The following KLHL3 variants were observed in gnomAD, a reference collection of about 807,000 sequenced individuals.
The protein encoded by KLHL3 is kelch-like protein 3.
Under a neutral mutation model 70.5 loss-of-function variants are expected in KLHL3, and 19 were observed. The observed-to-expected ratio is 0.27, with a 90% CI of 0.19 to 0.40. KLHL3 has a LOEUF of 0.40. KLHL3 is among the 10% of genes least tolerant of loss of function. The pLI, the probability that KLHL3 is intolerant of heterozygous loss-of-function variation, is 1.00. For missense variants in KLHL3, 512 were observed against 771.1 expected, an observed-to-expected ratio of 0.66 and a Z score of 3.98; for synonymous variants, 258 against 290.3, an observed-to-expected ratio of 0.89 and a Z score of 1.13.
chr5:137,619,033 T>C lies in KLHL3; in HGVS notation c.*3065A>G. ...CAAAGAACACAACATTTCATTATCATGGACAATAAAAAGCGATTCAAACTC... is the reference window on the plus strand; with the variant it reads ...CAAAGAACACAACATTTCATTATCACGGACAATAAAAAGCGATTCAAACTC... On this transcript the variant is annotated 3_prime_UTR_variant, in exon 15 of 15. Coordinates refer to ENST00000309755, the MANE Select transcript of KLHL3 (RefSeq NM_017415.3). 6.6e-6 allele frequency: 1 copy of C among 152,434 alleles called. No homozygotes were observed. Among genetic ancestry groups the C allele is most frequent in the East Asian group, 1.9e-4 (1 of 5,192 alleles). The allele number at this position is 152,434 out of a possible 1,614,324, so 9.4% of individuals were successfully genotyped here. A position where few individuals can be genotyped will look rare whatever the true frequency, so the allele number is the denominator to read the frequency against.
intron 8 of KLHL3, among the ~76,000 whole-genome samples, chr5:137,657,582 A>G (rs971849029): frequency 6.6e-6 from 1 of 152,046 alleles, no homozygotes. Context: ...CTGCTCCCTC[A>G]CAAATTCTCA....
intron 5 of KLHL3, among the ~76,000 whole-genome samples, chr5:137,690,448 T>A (rs1024725443): frequency 2.0e-5 from 3 of 151,412 alleles, no homozygotes; most frequent in Admixed American, 1.3e-4. Flanking sequence ...GCTCCCTAAG[T>A]GAAGGTGGAA....
At chr5:137,705,382 T>C (rs1251113199) in intron 3 of KLHL3, among the ~76,000 whole-genome samples, 1 of 152,234 alleles carries the variant, frequency 6.6e-6, no homozygotes, top group East Asian at 1.9e-4. Flanking sequence ...GCCTTGTGGA[T>C]GATTCCTGCC....
At position 137,620,112 on chromosome 5, in the gene KLHL3, C is replaced by T. The variant is rs1029128618; in HGVS notation, c.*1986G>A. The stretch of plus-strand genomic sequence containing the variant: ...AGAGTTATGAAGCCACAGTCATCCC[C>T]ACTTCATAGTGAGACCAGAGCACTC... On this transcript the variant is annotated 3_prime_UTR_variant, in exon 15 of 15. Coordinates refer to ENST00000309755, the MANE Select transcript of KLHL3 (RefSeq NM_017415.3). 6.6e-6 allele frequency: 1 copy of T among 152,228 alleles called. No individual in the cohort carries two copies. Among genetic ancestry groups the T allele is most frequent in the Non-Finnish European group, 1.5e-5 (1 of 68,048 alleles). 9.4% of individuals were successfully genotyped at this position (152,228 alleles called of 1,614,324 possible). A position where few individuals can be genotyped will look rare whatever the true frequency, so the allele number is the denominator to read the frequency against.
At chr5:137,661,690 A>G (rs1751479089) in intron 7 of KLHL3, 2 of 430,632 alleles carry the variant, frequency 4.6e-6, no homozygotes, top group South Asian at 1.1e-4. Flanking sequence ...TAAAAATCCA[A>G]AACTAATAAG....
intron 8 of KLHL3, among the ~76,000 whole-genome samples, chr5:137,653,968 T>C (rs1270248083): frequency 6.6e-6 from 1 of 152,122 alleles, no homozygotes; most frequent in Non-Finnish European, 1.5e-5. Flanking sequence ...TCAAATGCAT[T>C]ATGGTAAGAA....
chr5:137,624,819 T>C (rs1253586722), intron 14 of KLHL3, among the ~76,000 whole-genome samples: 1 of 152,130 alleles, frequency 6.6e-6, no homozygotes, highest in African/African-American at 2.4e-5. Flanking sequence ...TATTTGCTCA[T>C]CTCCCCATGG....
chr5:137,700,619 A>G (rs1338733776), intron 3 of KLHL3, among the ~76,000 whole-genome samples: 1 of 152,212 alleles, frequency 6.6e-6, no homozygotes, highest in Non-Finnish European at 1.5e-5. Flanking sequence ...TCTATGATTC[A>G]GAAAAGGTTA....
chr5:137,632,686 T>G lies in KLHL3; in HGVS notation c.1450+1351A>C, dbSNP rs182245203. On this transcript the variant is annotated intron_variant, in intron 12 of 14. Transcript: ENST00000309755. ...ACTTAATTAAACAAACAAAAAAAGC[T>G]TCTCCACAACATAAGAAATAATCAA... 3.8e-4 allele frequency among the ~76,000 whole-genome samples: 58 copies of G among 152,194 alleles called. 1 individual carries two copies. In the East Asian group the frequency reaches 9.7e-3, roughly 25 times the overall value.
rs2905607 is a variant in KLHL3, at chr5:137,692,073, T to C, written c.526+212A>G. On this transcript the variant is annotated intron_variant, in intron 5 of 14. Coordinates refer to ENST00000309755, the MANE Select transcript of KLHL3 (RefSeq NM_017415.3). ...CTTCCTCTACTCTAGTGAAAATTACTGTCTGTACCATCCCCTTGGCAATTA... is the reference window on the plus strand; with the variant it reads ...CTTCCTCTACTCTAGTGAAAATTACCGTCTGTACCATCCCCTTGGCAATTA... Among the ~76,000 whole-genome samples the C allele has an allele frequency of 0.78, 118,864 of 152,144 alleles. 46,668 individuals are homozygous for C. The highest frequency in any genetic ancestry group is 0.98 in the East Asian group (5,096 of 5,180).
At chr5:137,723,003 G>C (rs1195039926) in intron 1 of KLHL3, among the ~76,000 whole-genome samples, 3 of 152,124 alleles carry the variant, frequency 2.0e-5, no homozygotes, top group Admixed American at 6.5e-5. Flanking sequence ...TATGAAATAG[G>C]GATCTAATTT....
intron 8 of KLHL3, among the ~76,000 whole-genome samples, chr5:137,641,442 G>A (rs960160168): frequency 1.3e-5 from 2 of 152,040 alleles, no homozygotes; most frequent in African/African-American, 2.4e-5. Flanking sequence ...CCACTCTAGG[G>A]TTCATACTTT....
At position 137,646,169 on chromosome 5, in the gene KLHL3, C is replaced by T. The variant is rs574870715; in HGVS notation, c.904-6192G>A. The stretch of plus-strand genomic sequence containing the variant: ...CTAAAAAAGATATATGAATGACCAA[C>T]AAGTATATGAAAAAAAATGCTCAAC... On this transcript the variant is annotated intron_variant, in intron 8 of 14. Transcript: ENST00000309755. Among the ~76,000 whole-genome samples the T allele has an allele frequency of 3.3e-5, 5 of 152,056 alleles. No homozygotes were observed. The South Asian group carries it at 1.0e-3, about 32-fold the overall frequency.
At chr5:137,709,987 A>G in intron 2 of KLHL3, 131 bp from the exon 3 acceptor site, 1 of 705,530 alleles carries the variant, frequency 1.4e-6, no homozygotes, top group Non-Finnish European at 2.5e-6. Context: ...GACTTGCTCT[A>G]TCTTGAGTTA....
At chr5:137,729,683 G>C (rs188247401) in intron 1 of KLHL3, among the ~76,000 whole-genome samples, 44 of 152,168 alleles carry the variant, frequency 2.9e-4, no homozygotes, top group Non-Finnish European at 5.1e-4. Context: ...CTCCAACTCT[G>C]GACAGCAATG....
intron 6 of KLHL3, chr5:137,673,606 C>T (rs1751815943): frequency 6.6e-6 from 1 of 152,208 alleles, no homozygotes. Flanking sequence ...TGTCCTTACT[C>T]TCTAGAAAAC....
At chr5:137,719,068 A>T (rs1407175813) in intron 2 of KLHL3, among the ~76,000 whole-genome samples, 1 of 152,116 alleles carries the variant, frequency 6.6e-6, no homozygotes, top group African/African-American at 2.4e-5. Flanking sequence ...TCTAACTCTT[A>T]TTTGTCCTTC....
intron 11 of KLHL3, among the ~76,000 whole-genome samples, chr5:137,635,086 T>C (rs1172508052): frequency 1.3e-5 from 2 of 152,236 alleles, no homozygotes; most frequent in Non-Finnish European, 2.9e-5. Flanking sequence ...TTTGGTCACA[T>C]GTGCTTTCTT....
At chr5:137,677,343 G>C (rs1751908676) in intron 6 of KLHL3, 1 of 419,198 alleles carries the variant, frequency 2.4e-6, no homozygotes, top group African/African-American at 2.1e-5. Flanking sequence ...AGCTACTCAG[G>C]AGGCTGAGGC....
Sources: gnomAD v4.1 joint callset for allele counts (sites outside exome capture counted in the v4.1 genomes callset) on GRCh38, gnomAD v4.1.1 for gene constraint, MANE v1.5 for transcripts, NCBI Gene and HGNC (gene_info 2026-07-23, HGNC 2026-07-21) for gene names.